Variants in PRH1 observed in about 807,000 individuals in gnomAD.
PRH1 encodes proline rich protein HaeIII subfamily 1, also known as salivary acidic proline-rich phosphoprotein 1/2.
Under a neutral mutation model 7.9 loss-of-function variants are expected in PRH1, and 7 were observed. That is an observed-to-expected ratio of 0.89 (90% CI 0.50 to 1.67). The LOEUF (loss-of-function observed/expected upper bound fraction) is 1.67, where lower values mean the gene tolerates loss of function less well. Among genes scored for constraint, PRH1 ranks in the 40% most tolerant of loss-of-function variants. The probability of loss-of-function intolerance (pLI) is 0.00; values close to 1 mark genes in which losing one functional copy is unlikely to be tolerated. For synonymous variants in PRH1, 45 were observed against 80.8 expected, an observed-to-expected ratio of 0.56 and a Z score of 2.38; for missense variants, 109 against 223.6, an observed-to-expected ratio of 0.49 and a Z score of 3.27.
chr12:10,885,295 A>G (rs1330013098), upstream of PRH1, among the ~76,000 whole-genome samples: 1 of 152,130 alleles, frequency 6.6e-6, no homozygotes. Context: ...TTTATCTGTA[A>G]TATTCCAATA....
chr12:11,049,340 T>C (rs1943044421), upstream of PRH1: 3 of 281,970 alleles, frequency 1.1e-5, no homozygotes, highest in Non-Finnish European at 1.9e-5. Flanking sequence ...TTAATGTCGA[T>C]AAACACTTGA....
chr12:11,002,738 T>C (rs1381656623), intron 1 of PRH1, among the ~76,000 whole-genome samples: 5 of 152,068 alleles, frequency 3.3e-5, no homozygotes, highest in African/African-American at 9.6e-5. Context: ...TTACACTAAA[T>C]ATGTTTTATA....
chr12:11,031,137 A>G, intron 1 of PRH1: 2 of 1,614,280 alleles, frequency 1.2e-6, no homozygotes, highest in Non-Finnish European at 1.7e-6. Flanking sequence ...ACAGTTGAAT[A>G]CCAATTTAAT....
rs112603233 is a variant in PRH1 at position 10,970,563 on chromosome 12, G to GTT, written c.-59+3090_-59+3091dup. Among the ~76,000 whole-genome samples the GTT allele has an allele frequency of 5.1e-3, 731 of 143,350 alleles. 5 individuals are homozygous for GTT. Among genetic ancestry groups the GTT allele is most frequent in the African/African-American group, 0.017 (663 of 39,166 alleles). 94.0% of individuals were successfully genotyped at this position (143,350 alleles called of 152,430 possible). ...TTTAAAATTAAAGAAAAGTTTTTTT[G>GTT]TTTTTTTTTTTCGTTTTTGAGATGG... On this transcript the variant is annotated intron_variant, in intron 2 of 3. Transcript: ENST00000539853.
chr12:11,108,619 G>A lies in PRH1; in HGVS notation n.124-61431C>T, dbSNP rs146546107. 5.1e-3 allele frequency among the ~76,000 whole-genome samples: 779 copies of A among 152,274 alleles called. 15 individuals carry two copies. The highest frequency in any genetic ancestry group is 0.018 in the African/African-American group (737 of 41,552). Reference sequence around the variant, plus strand: ...AAGCTGTAAGGGACCATGCAGTGAGGGACGACGTATTCTGGCCCAGATACT... The same window carrying A: ...AAGCTGTAAGGGACCATGCAGTGAGAGACGACGTATTCTGGCCCAGATACT... On this transcript the variant is annotated intron_variant and non_coding_transcript_variant, in intron 1 of 4. Transcript: ENST00000541977.
At chr12:11,003,047 C>T (rs1353802408) in intron 1 of PRH1, among the ~76,000 whole-genome samples, 1 of 151,876 alleles carries the variant, frequency 6.6e-6, no homozygotes, top group Non-Finnish European at 1.5e-5. Context: ...AAGTCTATTG[C>T]AATATAGTTG....
At chr12:11,089,871 A>G (rs1944822818) in intron 1 of PRH1, among the ~76,000 whole-genome samples, 1 of 109,704 alleles carries the variant, frequency 9.1e-6, no homozygotes, top group African/African-American at 3.0e-5. Context: ...CATCAAGACT[A>G]TATTATTGTG....
chr12:10,967,634 G>A (rs1051934800), intron 2 of PRH1, among the ~76,000 whole-genome samples: 1 of 152,028 alleles, frequency 6.6e-6, no homozygotes, highest in African/African-American at 2.4e-5. Flanking sequence ...TTTTTGTTTT[G>A]TTTTGTTTTG....
chr12:11,171,502 T>G, upstream of PRH1: 1 of 1,232,258 alleles, frequency 8.1e-7, no homozygotes, highest in Non-Finnish European at 1.0e-6. Flanking sequence ...CGCATGAACT[T>G]CCCGTACTTC....
intron 1 of PRH1, chr12:11,133,470 G>C: frequency 6.2e-7 from 1 of 1,614,106 alleles, no homozygotes. Flanking sequence ...ATGAAGACAG[G>C]TTGCTTTTCC....
chr12:11,115,384 C>T (rs1269175484), intron 1 of PRH1, among the ~76,000 whole-genome samples: 1 of 151,658 alleles, frequency 6.6e-6, no homozygotes, highest in Non-Finnish European at 1.5e-5. Context: ...AACACTGGAG[C>T]ACCCAGATAT....
chr12:11,070,401 T>C (rs1231018285), intron 1 of PRH1, among the ~76,000 whole-genome samples: 2 of 81,592 alleles, frequency 2.5e-5, no homozygotes, highest in Admixed American at 1.3e-4. Flanking sequence ...CAGCCCACCC[T>C]AAGGGGCTGA....
At chr12:10,951,494 C>A (rs552345496) in intron 2 of PRH1, among the ~76,000 whole-genome samples, 3 of 152,246 alleles carry the variant, frequency 2.0e-5, no homozygotes, top group African/African-American at 4.8e-5. Context: ...TATACATATA[C>A]CCCACATGAA....
intron 1 of PRH1, among the ~76,000 whole-genome samples, chr12:11,104,854 T>C (rs1945364068): frequency 6.6e-6 from 1 of 152,026 alleles, no homozygotes; most frequent in South Asian, 2.1e-4. Flanking sequence ...TTTGTATTTA[T>C]ATAAAATATT....
chr12:11,171,246 C>T, intron 1 of PRH1: 1 of 682,264 alleles, frequency 1.5e-6, no homozygotes, highest in South Asian at 7.8e-5. Flanking sequence ...TGGGTGTGAG[C>T]CCGGGAGCCG....
chr12:11,123,512 T>C (rs1945988092), intron 1 of PRH1, among the ~76,000 whole-genome samples: 2 of 152,106 alleles, frequency 1.3e-5, no homozygotes, highest in Non-Finnish European at 1.5e-5. Context: ...ACTATTGTTT[T>C]CTACAGGCAA....
intron 1 of PRH1, among the ~76,000 whole-genome samples, chr12:11,014,650 C>G: frequency 6.6e-6 from 1 of 152,200 alleles, no homozygotes; most frequent in Middle Eastern, 3.4e-3. Flanking sequence ...ATTCCGAGAA[C>G]AAGAATTCAA....
At chr12:10,905,093 G>A (rs1386195220) in intron 2 of PRH1, among the ~76,000 whole-genome samples, 8 of 151,642 alleles carry the variant, frequency 5.3e-5, no homozygotes, top group Admixed American at 2.0e-4. Flanking sequence ...TGCAAATTAC[G>A]TCAGCCACTG....
intron 1 of PRH1, chr12:10,996,792 T>C (rs959777180): frequency 2.0e-6 from 1 of 508,974 alleles, no homozygotes; most frequent in Non-Finnish European, 3.3e-6. Flanking sequence ...TATATACTTT[T>C]ATATAATAAA....
Sources: allele counts gnomAD v4.1 joint callset (sites outside exome capture counted in the v4.1 genomes callset), GRCh38; gene constraint gnomAD v4.1.1; transcripts MANE v1.5; gene names NCBI Gene and HGNC (gene_info 2026-07-23, HGNC 2026-07-21).